ROBO1: variants seen among roughly 807,000 people sequenced by gnomAD.
ROBO1 encodes roundabout guidance receptor 1.
ROBO1 carries 149 observed loss-of-function variants against 195.9 expected under a neutral mutation model. The observed-to-expected ratio is 0.76, with a 90% CI of 0.67 to 0.87. ROBO1 has a LOEUF of 0.87. ROBO1 is among the 40% of genes least tolerant of loss of function. The pLI is 0.00. For synonymous variants in ROBO1, 816 were observed against 733.2 expected (o/e 1.11, Z -1.82); for missense variants, 1,933 against 2,068.3 (o/e 0.93, Z 1.27).
At chr3:79,524,241 T>C (rs1239423550) in intron 2 of ROBO1, among the ~76,000 whole-genome samples, 1 of 151,840 alleles carries the variant, frequency 6.6e-6, no homozygotes, top group Non-Finnish European at 1.5e-5. Flanking sequence ...ATAATATAAA[T>C]AAAATTATAA....
chr3:79,198,982 A>C (rs2081703473), intron 2 of ROBO1, among the ~76,000 whole-genome samples: 1 of 152,014 alleles, frequency 6.6e-6, no homozygotes, highest in Non-Finnish European at 1.5e-5. Context: ...AAACAGAGAC[A>C]ATTTGACTTC....
chr3:79,715,729 T>G (rs1702455759), intron 1 of ROBO1, among the ~76,000 whole-genome samples: 1 of 152,128 alleles, frequency 6.6e-6, no homozygotes, highest in African/African-American at 2.4e-5. Flanking sequence ...TGCCGTGTAT[T>G]TGTGCTCGGC....
intron 2 of ROBO1, among the ~76,000 whole-genome samples, chr3:79,587,601 A>T (rs528586992): frequency 1.3e-5 from 2 of 151,842 alleles, no homozygotes; most frequent in East Asian, 3.9e-4. Context: ...GAGTGGAAAA[A>T]ATCAGTTGAA....
chr3:78,720,878 G>C (rs1402962453), intron 5 of ROBO1, among the ~76,000 whole-genome samples: 1 of 151,754 alleles, frequency 6.6e-6, no homozygotes, highest in African/African-American at 2.4e-5. Context: ...CTCACTCATA[G>C]GTGGGAACTG....
At chr3:78,974,003 A>G (rs1392918244) in intron 3 of ROBO1, among the ~76,000 whole-genome samples, 1 of 152,162 alleles carries the variant, frequency 6.6e-6, no homozygotes, top group African/African-American at 2.4e-5. Flanking sequence ...TGAGCTACCA[A>G]AATGAAACTG....
intron 3 of ROBO1, among the ~76,000 whole-genome samples, chr3:78,982,745 C>T (rs2077024679): frequency 6.6e-6 from 1 of 152,060 alleles, no homozygotes; most frequent in Non-Finnish European, 1.5e-5. Context: ...TCTCCTGCCT[C>T]AGCCTCCTGA....
chr3:79,431,373 C>T (rs1312587924), intron 2 of ROBO1, among the ~76,000 whole-genome samples: 1 of 152,056 alleles, frequency 6.6e-6, no homozygotes, highest in East Asian at 1.9e-4. Context: ...TCATTCCCAC[C>T]GTGCAAGTGG....
At chr3:78,769,424 C>A (rs1353841478) in intron 4 of ROBO1, among the ~76,000 whole-genome samples, 1 of 152,074 alleles carries the variant, frequency 6.6e-6, no homozygotes, top group East Asian at 1.9e-4. Context: ...ATGCCTTTTT[C>A]CACCCTTTAA....
intron 2 of ROBO1, among the ~76,000 whole-genome samples, chr3:79,583,867 G>A (rs778320989): frequency 4.0e-5 from 6 of 151,860 alleles, no homozygotes; most frequent in Non-Finnish European, 8.8e-5. Flanking sequence ...ACAGAAGAAT[G>A]CACCTTTCGG....
intron 2 of ROBO1, among the ~76,000 whole-genome samples, chr3:79,244,960 T>A: frequency 6.6e-6 from 1 of 152,186 alleles, no homozygotes; most frequent in South Asian, 2.1e-4. Flanking sequence ...AAGACGTAAG[T>A]GGCATGAAAG....
At chr3:79,744,376 G>A (rs552578739) in intron 1 of ROBO1, among the ~76,000 whole-genome samples, 2 of 152,236 alleles carry the variant, frequency 1.3e-5, no homozygotes, top group East Asian at 1.9e-4. Flanking sequence ...AAACCCTATT[G>A]CAATGGAATG....
chr3:79,663,320 T>A (rs1330473025), intron 1 of ROBO1, among the ~76,000 whole-genome samples: 1 of 152,108 alleles, frequency 6.6e-6, no homozygotes, highest in Non-Finnish European at 1.5e-5. Flanking sequence ...CAAAGTTATT[T>A]ATTGGATTAT....
intron 3 of ROBO1, among the ~76,000 whole-genome samples, chr3:79,053,315 G>T (rs1196315722): frequency 6.6e-6 from 1 of 151,740 alleles, no homozygotes; most frequent in African/African-American, 2.4e-5. Context: ...ACGATTCTGA[G>T]ACTTCAATAT....
chr3:78,661,324 T>C (rs1707389173), intron 15 of ROBO1, 63 bp from the exon 16 acceptor site: 2 of 1,060,106 alleles, frequency 1.9e-6, no homozygotes, highest in East Asian at 2.8e-5. Context: ...CAGAAAATAA[T>C]AAAAATTAAA....
intron 1 of ROBO1, among the ~76,000 whole-genome samples, chr3:79,685,008 A>T (rs1001292399): frequency 9.9e-5 from 15 of 151,996 alleles, no homozygotes; most frequent in African/African-American, 3.6e-4. Flanking sequence ...TCAGACCTCC[A>T]CCTAACAGCC....
chr3:78,952,848 T>A (rs543455530), intron 3 of ROBO1, among the ~76,000 whole-genome samples: 2 of 152,202 alleles, frequency 1.3e-5, no homozygotes, highest in South Asian at 4.1e-4. Context: ...TATAAACTTC[T>A]ACCTAAGCAA....
At chr3:79,065,192 A>G (rs972820428) in intron 3 of ROBO1, among the ~76,000 whole-genome samples, 103 of 152,154 alleles carry the variant, frequency 6.8e-4, no homozygotes, top group African/African-American at 2.4e-3. Context: ...GTGAATAATC[A>G]TAACAAACAA....
intron 2 of ROBO1, among the ~76,000 whole-genome samples, chr3:79,162,571 G>T (rs1465773209): frequency 6.6e-6 from 1 of 152,078 alleles, no homozygotes; most frequent in Non-Finnish European, 1.5e-5. Flanking sequence ...CAAAATCTCA[G>T]TGTTCACAGT....
At chr3:78,769,502 C>T (rs2083312630) in intron 4 of ROBO1, among the ~76,000 whole-genome samples, 1 of 151,928 alleles carries the variant, frequency 6.6e-6, no homozygotes, top group Non-Finnish European at 1.5e-5. Context: ...AGTTCTTATC[C>T]ATTCTGTGGG....
Sources: gnomAD v4.1 joint callset for allele counts (sites outside exome capture counted in the v4.1 genomes callset) on GRCh38, gnomAD v4.1.1 for gene constraint, MANE v1.5 for transcripts, NCBI Gene and HGNC (gene_info 2026-07-23, HGNC 2026-07-21) for gene names.